Variants in MBD5 observed in about 807,000 individuals in gnomAD.
MBD5 encodes the protein methyl-CpG-binding domain protein 5.
In MBD5, 13 loss-of-function variants were observed where a neutral mutation model predicts 117.3. That is an observed-to-expected ratio of 0.11 (90% CI 0.07 to 0.18). The LOEUF is 0.18. Ranked by LOEUF, MBD5 falls within the 10% of genes least tolerant of loss-of-function variation. The probability of loss-of-function intolerance (pLI) is 1.00; values close to 1 mark genes in which losing one functional copy is unlikely to be tolerated. For synonymous variants in MBD5, 727 were observed against 766.4 expected (o/e 0.95, Z 0.85); for missense variants, 1,879 against 2,093.8 (o/e 0.90, Z 2.00).
At chr2:148,128,176 C>T (rs779078008) in intron 1 of MBD5, among the ~76,000 whole-genome samples, 3 of 151,992 alleles carry the variant, frequency 2.0e-5, no homozygotes, top group African/African-American at 7.2e-5. Flanking sequence ...CCATTCTGTA[C>T]GTTGTCTGTT....
At chr2:148,163,277 G>A (rs1698052088) in intron 1 of MBD5, among the ~76,000 whole-genome samples, 2 of 152,078 alleles carry the variant, frequency 1.3e-5, no homozygotes, top group Admixed American at 1.3e-4. Context: ...CTGGACTTTA[G>A]GCCCATTCCT....
At chr2:148,410,563 T>C (rs1389913756) in intron 4 of MBD5, among the ~76,000 whole-genome samples, 3 of 152,152 alleles carry the variant, frequency 2.0e-5, no homozygotes, top group Admixed American at 2.0e-4. Context: ...ACTGAGTGGC[T>C]AGGACTACAG....
At chr2:148,058,823 A>G (rs1224908227) in intron 1 of MBD5, among the ~76,000 whole-genome samples, 1 of 152,166 alleles carries the variant, frequency 6.6e-6, no homozygotes, top group Non-Finnish European at 1.5e-5. Context: ...ACTAATTTAA[A>G]CACTTCCTGC....
chr2:148,321,643 G>A (rs1702284752), intron 3 of MBD5, among the ~76,000 whole-genome samples: 1 of 152,080 alleles, frequency 6.6e-6, no homozygotes. Flanking sequence ...GAAAATACTG[G>A]ATTATAAATA....
intron 4 of MBD5, among the ~76,000 whole-genome samples, chr2:148,370,169 C>T (rs1043406153): frequency 6.6e-6 from 1 of 152,050 alleles, no homozygotes; most frequent in Admixed American, 6.5e-5. Flanking sequence ...TTGATACTTG[C>T]TTTGTATCAT....
chr2:148,158,947 C>T (rs975652498), intron 1 of MBD5, among the ~76,000 whole-genome samples: 1 of 152,230 alleles, frequency 6.6e-6, no homozygotes, highest in Non-Finnish European at 1.5e-5. Flanking sequence ...TGGTCTCGAT[C>T]TCCTGACCTT....
intron 3 of MBD5, chr2:148,296,656 C>G (rs1053583846): frequency 6.2e-6 from 1 of 162,278 alleles, no homozygotes; most frequent in African/African-American, 2.4e-5. Flanking sequence ...CACTCGTGGT[C>G]CAGATGGAGG....
chr2:148,506,466 C>T (rs1264799293), intron 12 of MBD5, among the ~76,000 whole-genome samples: 1 of 152,214 alleles, frequency 6.6e-6, no homozygotes, highest in Non-Finnish European at 1.5e-5. Flanking sequence ...GATCTGCATA[C>T]ATTCCCCATG....
At chr2:148,431,151 CCTCT>C (rs910018228) in intron 4 of MBD5, among the ~76,000 whole-genome samples, 2 of 151,994 alleles carry the variant, frequency 1.3e-5, no homozygotes, top group African/African-American at 2.4e-5. Context: ...CTAAAATTCT[CCTCT>C]CTCTCATTTC....
intron 4 of MBD5, among the ~76,000 whole-genome samples, chr2:148,392,018 A>T (rs1455512790): frequency 2.0e-5 from 3 of 152,180 alleles, no homozygotes; most frequent in African/African-American, 2.4e-5. Context: ...TATAGCACAT[A>T]TGTAAATTTT....
At chr2:148,060,250 G>C (rs567542863) in intron 1 of MBD5, among the ~76,000 whole-genome samples, 1 of 148,580 alleles carries the variant, frequency 6.7e-6, no homozygotes, top group Non-Finnish European at 1.5e-5. Flanking sequence ...TCAAGGCTGC[G>C]ATGAGCTTTG....
chr2:148,221,179 T>TG (rs1699676955), intron 2 of MBD5, among the ~76,000 whole-genome samples: 1 of 152,146 alleles, frequency 6.6e-6, no homozygotes, highest in Admixed American at 6.6e-5. Context: ...CATCTGTTGA[T>TG]GGACACTTAG....
rs1271244143 is a variant in MBD5, at chr2:148,051,132, AC to A, written c.-925+29449del. ...TTGTAGTTTTCAGTGGACAAGTCTT[AC>A]ACTTCTTGGCTAAATTTATTCTTAA... On this transcript the variant is annotated intron_variant, in intron 1 of 13. Coordinates refer to ENST00000642680, the MANE Select transcript of MBD5 (RefSeq NM_001378120.1). Among the ~76,000 whole-genome samples the A allele has an allele frequency of 5.3e-5, 8 of 152,234 alleles. No homozygotes were observed. In the East Asian group the frequency reaches 7.7e-4, roughly 15 times the overall value.
At chr2:148,479,259 C>G (rs888029371) in intron 8 of MBD5, among the ~76,000 whole-genome samples, 1 of 152,150 alleles carries the variant, frequency 6.6e-6, no homozygotes, top group Non-Finnish European at 1.5e-5. Flanking sequence ...ATTTGTCATC[C>G]TGCACCCATC....
At chr2:148,123,092 A>G (rs1194926346) in intron 1 of MBD5, among the ~76,000 whole-genome samples, 1 of 152,224 alleles carries the variant, frequency 6.6e-6, no homozygotes, top group Non-Finnish European at 1.5e-5. Context: ...TTTACCTCCA[A>G]TCCTAATGGT....
chr2:148,412,564 A>G (rs1705294807), intron 4 of MBD5, among the ~76,000 whole-genome samples: 2 of 152,052 alleles, frequency 1.3e-5, no homozygotes, highest in Non-Finnish European at 2.9e-5. Flanking sequence ...GGCCATCTTA[A>G]TGATATTGAT....
intron 2 of MBD5, among the ~76,000 whole-genome samples, chr2:148,225,964 C>T (rs535682840): frequency 1.1e-4 from 16 of 152,012 alleles, no homozygotes; most frequent in Admixed American, 5.9e-4. Context: ...GTTCTATAAC[C>T]TTCTTGTACT....
At chr2:148,149,885 T>A (rs1045016180) in intron 1 of MBD5, among the ~76,000 whole-genome samples, 1 of 147,334 alleles carries the variant, frequency 6.8e-6, no homozygotes, top group African/African-American at 2.5e-5. Context: ...TCCCATTTTG[T>A]AGGTTGCCTG....
chr2:148,401,047 C>G (rs1460223420), intron 4 of MBD5, among the ~76,000 whole-genome samples: 1 of 152,100 alleles, frequency 6.6e-6, no homozygotes, highest in Non-Finnish European at 1.5e-5. Context: ...TCATCTAGCT[C>G]TTGTTTTGTC....
Sources: gnomAD v4.1 joint callset for allele counts (sites outside exome capture counted in the v4.1 genomes callset) on GRCh38, gnomAD v4.1.1 for gene constraint, MANE v1.5 for transcripts, NCBI Gene and HGNC (gene_info 2026-07-23, HGNC 2026-07-21) for gene names.